The following DPY19L2 variants were observed in gnomAD, a reference collection of about 807,000 sequenced individuals.
DPY19L2 encodes probable C-mannosyltransferase DPY19L2.
Under a neutral mutation model 97.9 loss-of-function variants are expected in DPY19L2, and 34 were observed. The ratio of observed to expected loss-of-function variants is 0.35; its 90% CI spans 0.26 to 0.46. DPY19L2 has a LOEUF of 0.46. Among genes scored for constraint, DPY19L2 ranks in the 20% least tolerant of loss-of-function variants. DPY19L2 has a pLI of 1.00. For missense variants in DPY19L2, 623 were observed against 911.4 expected (o/e 0.68, Z 4.07); for synonymous variants, 230 against 307.9 (o/e 0.75, Z 2.65).
chr12:63,617,215 G>T (rs1353081890), intron 11 of DPY19L2, 89 bp downstream of exon 11: 4 of 695,612 alleles, frequency 5.8e-6, no homozygotes, highest in African/African-American at 3.7e-5. Flanking sequence ...TCAGGAAAGG[G>T]CCTATTTATT....
chr12:63,587,396 CATGAT>C, intron 16 of DPY19L2, among the ~76,000 whole-genome samples: 1 of 151,752 alleles, frequency 6.6e-6, no homozygotes, highest in East Asian at 1.9e-4. Context: ...CTATTAATAA[CATGAT>C]ATAACATGTA....
intron 16 of DPY19L2, among the ~76,000 whole-genome samples, chr12:63,584,652 T>C (rs1410211351): frequency 6.6e-6 from 1 of 152,100 alleles, no homozygotes; most frequent in Non-Finnish European, 1.5e-5. Flanking sequence ...GTAGTTACCA[T>C]CTTAGTTATC....
chr12:63,648,319 A>G (rs1893709052), intron 4 of DPY19L2, among the ~76,000 whole-genome samples: 1 of 152,084 alleles, frequency 6.6e-6, no homozygotes, highest in Admixed American at 6.5e-5. Flanking sequence ...AAAACAGACT[A>G]AGACAAATAT....
intron 10 of DPY19L2, among the ~76,000 whole-genome samples, chr12:63,617,911 T>C (rs1272231583): frequency 2.6e-5 from 4 of 152,060 alleles, no homozygotes; most frequent in Non-Finnish European, 5.9e-5. Context: ...GTAATAATAA[T>C]AAGTAAAACA....
In DPY19L2 at chr12:63,630,733, G is replaced by T. The variant is rs185378228; in HGVS notation, c.804-4207C>A. On this transcript the variant is annotated intron_variant, in intron 6 of 21. Transcript: ENST00000324472. Reference sequence around the variant, plus strand: ...CAGGCGCACCTAATAGACATCTACAGAACTCTCCATCCCAAATCAACAGAA... The same window carrying T: ...CAGGCGCACCTAATAGACATCTACATAACTCTCCATCCCAAATCAACAGAA... Among the ~76,000 whole-genome samples, 1,349 of 152,090 alleles carry T rather than the reference G, an allele frequency of 8.9e-3. 16 individuals carry two copies. The highest frequency in any genetic ancestry group is 0.014 in the Non-Finnish European group (967 of 68,002).
At chr12:63,606,147 A>T (rs1015043220) in intron 12 of DPY19L2, among the ~76,000 whole-genome samples, 3 of 152,084 alleles carry the variant, frequency 2.0e-5, no homozygotes, top group Non-Finnish European at 2.9e-5. Context: ...TAGCCATGGT[A>T]TTGAATTCTT....
At chr12:63,634,271 G>C (rs1891244310) in intron 6 of DPY19L2, among the ~76,000 whole-genome samples, 1 of 152,074 alleles carries the variant, frequency 6.6e-6, no homozygotes, top group South Asian at 2.1e-4. Context: ...AGCTGTGAGG[G>C]GTAACAGGAG....
At chr12:63,586,872 T>C (rs1477219486) in intron 16 of DPY19L2, among the ~76,000 whole-genome samples, 1 of 152,054 alleles carries the variant, frequency 6.6e-6, no homozygotes. Flanking sequence ...TCAGCGAGTA[T>C]CAAGAAAATA....
chr12:63,580,967 T>G, intron 18 of DPY19L2, 131 bp from the exon 19 acceptor site: 1 of 922,070 alleles, frequency 1.1e-6, no homozygotes, highest in Non-Finnish European at 1.6e-6. Flanking sequence ...TATACAGAAT[T>G]ATCATCTCCG....
Position 63,668,157 on chromosome 12 carries a change from G to T in DPY19L2, c.237C>A (p.Leu79=), listed in dbSNP as rs749041153. Residue 79 remains leucine, a synonymous_variant, in exon 1 of 22, where the codon CTC becomes CTA. Coordinates refer to ENST00000324472, the MANE Select transcript of DPY19L2 (RefSeq NM_173812.5). ...ELEVVAKTFL[L]GPFQFVRNSL... ...AATTACGGACGAACTGGAAGGGGCC[G>T]AGAAGAAAGGTCTTGGCCACCACCT... 6.2e-7 allele frequency: 1 copy of T among 1,614,008 alleles called. No homozygotes were observed. Among genetic ancestry groups the T allele is most frequent in the African/African-American group, 1.3e-5 (1 of 75,018 alleles).
At chr12:63,593,488 T>C (rs1447595141) in intron 16 of DPY19L2, among the ~76,000 whole-genome samples, 1 of 152,082 alleles carries the variant, frequency 6.6e-6, no homozygotes, top group Admixed American at 6.5e-5. Context: ...ATGTCCTTTG[T>C]AGGGACATGG....
At chr12:63,648,022 G>A (rs1893661154) in intron 4 of DPY19L2, among the ~76,000 whole-genome samples, 1 of 152,074 alleles carries the variant, frequency 6.6e-6, no homozygotes, top group South Asian at 2.1e-4. Flanking sequence ...GATGGGACCT[G>A]CAAGAGGTGA....
In DPY19L2 at chr12:63,569,369, T is replaced by C. The variant is rs1255511919; in HGVS notation, c.2001-20A>G. The C allele has an allele frequency of 6.6e-6, 10 of 1,504,536 alleles. No homozygotes were observed. Among genetic ancestry groups the C allele is most frequent in the Non-Finnish European group, 8.9e-6 (10 of 1,119,166 alleles). The allele number at this position is 1,504,536 out of a possible 1,614,324, so 93.2% of individuals were successfully genotyped here. ...CGAGCCCTTTAAATTTAAACAATAA[T>C]TTAAAAGATTTTAAAATAAATGATA... is the stretch of plus-strand genomic sequence containing the variant. On this transcript the variant is annotated intron_variant, in intron 20 of 21. Coordinates refer to ENST00000324472, the MANE Select transcript of DPY19L2 (RefSeq NM_173812.5).
chr12:63,636,576 A>G (rs1034502795), intron 6 of DPY19L2, among the ~76,000 whole-genome samples: 4 of 152,158 alleles, frequency 2.6e-5, no homozygotes, highest in African/African-American at 7.2e-5. Context: ...AAAGGGATGG[A>G]GGAAGATCTA....
At chr12:63,638,167 G>A (rs1216550413) in intron 6 of DPY19L2, among the ~76,000 whole-genome samples, 2 of 152,106 alleles carry the variant, frequency 1.3e-5, no homozygotes, top group African/African-American at 4.8e-5. Context: ...AGTCCTTCAT[G>A]CTAAAAACTC....
In DPY19L2 at chr12:63,575,114, G is replaced by A. The variant is rs868691581; in HGVS notation, c.1901-4257C>T. Among the ~76,000 whole-genome samples the A allele has an allele frequency of 7.5e-4, 106 of 142,024 alleles. 2 individuals carry two copies. The highest frequency in any genetic ancestry group is 2.6e-3 in the African/African-American group (97 of 36,870). The allele number at this position is 142,024 out of a possible 152,430, so 93.2% of individuals were successfully genotyped here. ...TTTTTAAAAATTGAGACAATATAAT[G>A]TATCTTCTCTGACCACAATGGAAAA... On this transcript the variant is annotated intron_variant, in intron 19 of 21. Coordinates refer to ENST00000324472, the MANE Select transcript of DPY19L2 (RefSeq NM_173812.5).
intron 8 of DPY19L2, among the ~76,000 whole-genome samples, chr12:63,622,829 G>C (rs1009288607): frequency 1.3e-5 from 2 of 148,214 alleles, no homozygotes; most frequent in African/African-American, 4.8e-5. Flanking sequence ...GGGAGGCTGA[G>C]GCAGGAGAAT....
intron 19 of DPY19L2, among the ~76,000 whole-genome samples, chr12:63,571,273 G>A (rs755533800): frequency 3.3e-5 from 5 of 152,058 alleles, no homozygotes; most frequent in Non-Finnish European, 7.4e-5. Flanking sequence ...GGTCTTCCAC[G>A]AAACTAGTCC....
chr12:63,665,552 C>A (rs1280448893), intron 2 of DPY19L2, among the ~76,000 whole-genome samples: 2 of 151,288 alleles, frequency 1.3e-5, no homozygotes, highest in Admixed American at 6.6e-5. Flanking sequence ...ACTACACATA[C>A]AAAATACACT....
Sources: gnomAD v4.1 joint callset for allele counts (sites outside exome capture counted in the v4.1 genomes callset) on GRCh38, gnomAD v4.1.1 for gene constraint, MANE v1.5 for transcripts, NCBI Gene and HGNC (gene_info 2026-07-23, HGNC 2026-07-21) for gene names.